The following KAZN variants were observed in gnomAD, a reference collection of about 807,000 sequenced individuals.
KAZN encodes kazrin, periplakin interacting protein.
In KAZN, 40 loss-of-function variants were observed where a neutral mutation model predicts 87.4. That is an observed-to-expected ratio of 0.46 (90% confidence interval 0.36 to 0.60). KAZN has a LOEUF of 0.60. KAZN is among the 20% of genes least tolerant of loss of function. The pLI is 0.00. For synonymous variants in KAZN, 466 were observed against 458.3 expected, an observed-to-expected ratio of 1.02 and a Z score of -0.22; for missense variants, 898 against 1,073.9, an observed-to-expected ratio of 0.84 and a Z score of 2.29.
At chr1:14,616,188 G>A (rs949203216) in intron 1 of KAZN, among the ~76,000 whole-genome samples, 1 of 152,146 alleles carries the variant, frequency 6.6e-6, no homozygotes, top group African/African-American at 2.4e-5. Context: ...GTCTGCTGAG[G>A]CTATACAGCA....
intron 2 of KAZN, among the ~76,000 whole-genome samples, chr1:14,967,468 C>T (rs1466674561): frequency 6.6e-6 from 1 of 152,168 alleles, no homozygotes; most frequent in Non-Finnish European, 1.5e-5. Context: ...TGATGTCCCC[C>T]TCTCCCAAAG....
intron 2 of KAZN, among the ~76,000 whole-genome samples, chr1:14,322,094 C>T (rs1401257561): frequency 2.0e-5 from 3 of 152,064 alleles, no homozygotes; most frequent in African/African-American, 7.2e-5. Flanking sequence ...CTTGCTTAAT[C>T]CTAACAAACT....
intron 2 of KAZN, among the ~76,000 whole-genome samples, chr1:14,181,289 T>C (rs1173540867): frequency 6.6e-6 from 1 of 152,194 alleles, no homozygotes; most frequent in Non-Finnish European, 1.5e-5. Context: ...CGGGAAATGT[T>C]TCAGGAAATG....
chr1:14,629,794 C>T (rs927441533), intron 1 of KAZN, among the ~76,000 whole-genome samples: 1 of 152,044 alleles, frequency 6.6e-6, no homozygotes, highest in Non-Finnish European at 1.5e-5. Flanking sequence ...GCACTAGGGC[C>T]GGGTTGTTCT....
chr1:14,225,554 A>G (rs918639286), intron 2 of KAZN, among the ~76,000 whole-genome samples: 46 of 152,192 alleles, frequency 3.0e-4, no homozygotes, highest in Non-Finnish European at 2.9e-5. Flanking sequence ...AAACAAAAAA[A>G]TAAGCCTGAA....
chr1:14,591,728 G>C (rs898879865), intron 2 of KAZN, among the ~76,000 whole-genome samples: 2 of 152,192 alleles, frequency 1.3e-5, no homozygotes, highest in Non-Finnish European at 2.9e-5. Context: ...TGGGAAGACA[G>C]GAGGAGCTTG....
At chr1:14,102,653 G>A (rs1287240435) in intron 1 of KAZN, among the ~76,000 whole-genome samples, 2 of 152,122 alleles carry the variant, frequency 1.3e-5, no homozygotes, top group Non-Finnish European at 2.9e-5. Context: ...CCATCCTGGT[G>A]CCTTCAGGGC....
intron 2 of KAZN, among the ~76,000 whole-genome samples, chr1:14,301,162 A>T (rs1654523929): frequency 1.3e-5 from 2 of 152,206 alleles, no homozygotes; most frequent in Non-Finnish European, 2.9e-5. Context: ...TAGGGAATTC[A>T]CAAAGCTGGG....
Position 14,845,275 on chromosome 1 carries a change from ATGAG to A in KAZN, c.227-115402_227-115399del, listed in dbSNP as rs1204007623. ...GGTGGATGGTTGGGTGGATGGATGGATGAGTGAGTGGGGGTGGATGGATAGATGG... is the reference window on the plus strand; with the variant it reads ...GGTGGATGGTTGGGTGGATGGATGGATGAGTGGGGGTGGATGGATAGATGG... On this transcript the variant is annotated intron_variant, in intron 1 of 14. Coordinates refer to ENST00000376030, the MANE Select transcript of KAZN (RefSeq NM_201628.3). Among the ~76,000 whole-genome samples, 3 of 145,016 alleles carry A rather than the reference ATGAG, an allele frequency of 2.1e-5. No individual in the cohort carries two copies. In the South Asian group the frequency reaches 6.8e-4, roughly 33 times the overall value.
intron 1 of KAZN, among the ~76,000 whole-genome samples, chr1:13,977,141 C>T (rs1468033672): frequency 3.3e-5 from 5 of 152,160 alleles, no homozygotes; most frequent in African/African-American, 9.7e-5. Context: ...AGGAAGAGAG[C>T]TTAGTCTACA....
intron 1 of KAZN, among the ~76,000 whole-genome samples, chr1:13,938,349 T>C (rs1399170493): frequency 6.6e-6 from 1 of 151,990 alleles, no homozygotes; most frequent in Non-Finnish European, 1.5e-5. Flanking sequence ...ATAGAAATGC[T>C]ACTAATTTTT....
chr1:13,978,073 A>C (rs1318840775), intron 1 of KAZN, among the ~76,000 whole-genome samples: 1 of 137,456 alleles, frequency 7.3e-6, no homozygotes, highest in East Asian at 2.3e-4. Context: ...GGTTGCAGTG[A>C]GCCGAGATCG....
At chr1:14,592,897 C>G (rs1676289233) in intron 2 of KAZN, among the ~76,000 whole-genome samples, 1 of 152,172 alleles carries the variant, frequency 6.6e-6, no homozygotes. Context: ...ATGAATGCCG[C>G]CTCTGGTCTC....
chr1:14,141,501 A>T (rs1310270688), intron 1 of KAZN, among the ~76,000 whole-genome samples: 2 of 151,948 alleles, frequency 1.3e-5, no homozygotes, highest in African/African-American at 4.8e-5. Flanking sequence ...TAATAAAAAA[A>T]AAATTCCTCT....
intron 1 of KAZN, among the ~76,000 whole-genome samples, chr1:14,906,174 TATTATAATA>T (rs150145528): frequency 0.086 from 12,295 of 143,526 alleles, 621 homozygotes; most frequent in Middle Eastern, 0.12. Context: ...TCAAAAAATA[TATTATAATA>T]ATAATAATAA....
Position 14,249,399 on chromosome 1 carries a change from C to T in KAZN, c.249+68807C>T, listed in dbSNP as rs370524632. 3.5e-4 allele frequency among the ~76,000 whole-genome samples: 53 copies of T among 152,312 alleles called. No homozygotes were observed. In the South Asian group the frequency reaches 0.01, roughly 29 times the overall value. ...AGATTGAATTATTCAGAGAAATTATCGTCAACAAACCCAAACTGGTTGAAA... is the reference window on the plus strand; with the variant it reads ...AGATTGAATTATTCAGAGAAATTATTGTCAACAAACCCAAACTGGTTGAAA... On this transcript the variant is annotated intron_variant, in intron 2 of 16. Transcript: ENST00000636203.
At position 14,937,845 on chromosome 1, in the gene KAZN, T is replaced by G. The variant is rs76009974; in HGVS notation, c.227-22839T>G. 3.2e-3 allele frequency among the ~76,000 whole-genome samples: 489 copies of G among 152,294 alleles called. 4 individuals carry two copies. The highest frequency in any genetic ancestry group is 0.011 in the African/African-American group (463 of 41,572). On this transcript the variant is annotated intron_variant, in intron 1 of 14. Coordinates refer to ENST00000376030, the MANE Select transcript of KAZN (RefSeq NM_201628.3). ...CCTGAAAGGCGCTGATTGCTCTCCT[T>G]TAGAGGTGACTTGAATCCATACCCA...
At chr1:14,705,139 G>GGCAGATGGCCTCCCTCTT (rs1642143443) in intron 1 of KAZN, among the ~76,000 whole-genome samples, 1 of 152,160 alleles carries the variant, frequency 6.6e-6, no homozygotes, top group Admixed American at 6.5e-5. Flanking sequence ...CTCCTTAGCT[G>GGCAGATGGCCTCCCTCTT]GCAGATGGCC....
intron 2 of KAZN, among the ~76,000 whole-genome samples, chr1:14,584,314 G>A (rs1675722968): frequency 6.6e-6 from 1 of 152,214 alleles, no homozygotes; most frequent in South Asian, 2.1e-4. Context: ...GGCAGCTAAG[G>A]TAGAATGAGG....
Sources: allele counts gnomAD v4.1 joint callset (sites outside exome capture counted in the v4.1 genomes callset), GRCh38; gene constraint gnomAD v4.1.1; transcripts MANE v1.5; gene names NCBI Gene and HGNC (gene_info 2026-07-23, HGNC 2026-07-21).